SLC35F4: variants seen among roughly 807,000 people sequenced by gnomAD.
SLC35F4 encodes the protein chromosome 14 open reading frame 36.
A neutral mutation model predicts 44.2 loss-of-function variants in SLC35F4; 24 were observed. The ratio of observed to expected loss-of-function variants is 0.54; its 90% CI spans 0.39 to 0.76. SLC35F4 has a LOEUF of 0.76. Ranked by LOEUF, SLC35F4 falls within the 30% of genes least tolerant of loss-of-function variation. The pLI, the probability that SLC35F4 is intolerant of heterozygous loss-of-function variation, is 0.00. For synonymous variants in SLC35F4, 238 were observed against 223.6 expected, an observed-to-expected ratio of 1.06 and a Z score of -0.57; for missense variants, 562 against 586.1, an observed-to-expected ratio of 0.96 and a Z score of 0.42.
chr14:57,796,400 G>C (rs2078054824), intron 1 of SLC35F4, among the ~76,000 whole-genome samples: 2 of 152,078 alleles, frequency 1.3e-5, no homozygotes, highest in Admixed American at 1.3e-4. Flanking sequence ...GATTACCTCA[G>C]TTAAAGAACA....
chr14:57,896,228 G>A (rs1888866474), intron 1 of SLC35F4, among the ~76,000 whole-genome samples: 2 of 151,988 alleles, frequency 1.3e-5, no homozygotes, highest in Non-Finnish European at 2.9e-5. Context: ...AATTGTGGGT[G>A]GATAAATAAT....
intron 1 of SLC35F4, among the ~76,000 whole-genome samples, chr14:57,939,492 C>T (rs1889877196): frequency 6.6e-6 from 1 of 152,200 alleles, no homozygotes; most frequent in South Asian, 2.1e-4. Context: ...AAGGACATCA[C>T]CACTAAGGAC....
downstream of SLC35F4, among the ~76,000 whole-genome samples, chr14:57,975,157 CTATT>C (rs1245360242): frequency 2.6e-5 from 4 of 152,166 alleles, no homozygotes; most frequent in South Asian, 6.2e-4. Context: ...ATTGAGGTGA[CTATT>C]TGGTAACACT....
chr14:57,977,541 T>C (rs1389836970), intron 1 of SLC35F4, among the ~76,000 whole-genome samples: 1 of 152,136 alleles, frequency 6.6e-6, no homozygotes, highest in African/African-American at 2.4e-5. Flanking sequence ...GTCACCTGAG[T>C]GCAGCTGTAA....
chr14:57,734,136 T>C (rs141504184), intron 1 of SLC35F4, among the ~76,000 whole-genome samples: 2,032 of 152,238 alleles, frequency 0.013, 25 homozygotes, highest in South Asian at 0.059. Flanking sequence ...CCTGGGAACA[T>C]TGAGATATAG....
upstream of SLC35F4, among the ~76,000 whole-genome samples, chr14:57,870,132 G>A (rs2141026459): frequency 1.6e-5 from 2 of 127,622 alleles, no homozygotes; most frequent in South Asian, 4.6e-4. Context: ...ATCTGTGTGT[G>A]TGTGTGTGTG....
At chr14:57,765,423 A>G (rs1486667188) in intron 1 of SLC35F4, among the ~76,000 whole-genome samples, 1 of 152,252 alleles carries the variant, frequency 6.6e-6, no homozygotes, top group Non-Finnish European at 1.5e-5. Context: ...AAAGTTGGCC[A>G]CAAAGCCCAT....
intron 1 of SLC35F4, among the ~76,000 whole-genome samples, chr14:57,748,301 G>A (rs1186003779): frequency 6.6e-6 from 1 of 152,130 alleles, no homozygotes; most frequent in African/African-American, 2.4e-5. Context: ...TGGTGTGTAT[G>A]TATGTGTGTA....
At chr14:57,813,027 G>T (rs184519115) in intron 1 of SLC35F4, among the ~76,000 whole-genome samples, 91 of 152,298 alleles carry the variant, frequency 6.0e-4, no homozygotes, top group Non-Finnish European at 1.0e-3. Context: ...CAGAGCAATA[G>T]TATGATATGG....
At chr14:57,906,907 C>T (rs1468409103) in intron 1 of SLC35F4, among the ~76,000 whole-genome samples, 6 of 152,308 alleles carry the variant, frequency 3.9e-5, no homozygotes, top group African/African-American at 1.2e-4. Context: ...AAATGCTTCC[C>T]GGATACAACA....
chr14:57,835,077 G>A (rs1423840792), intron 1 of SLC35F4, among the ~76,000 whole-genome samples: 1 of 152,156 alleles, frequency 6.6e-6, no homozygotes, highest in Non-Finnish European at 1.5e-5. Context: ...AATGGTTGAA[G>A]TATTAACAGA....
At chr14:57,814,685 A>C (rs1882363253) in intron 1 of SLC35F4, among the ~76,000 whole-genome samples, 1 of 152,226 alleles carries the variant, frequency 6.6e-6, no homozygotes, top group Non-Finnish European at 1.5e-5. Context: ...TTACTCTTTA[A>C]GTAAATGGTT....
At chr14:57,945,032 T>A (rs1889997721) in intron 1 of SLC35F4, among the ~76,000 whole-genome samples, 1 of 152,118 alleles carries the variant, frequency 6.6e-6, no homozygotes, top group Non-Finnish European at 1.5e-5. Flanking sequence ...AATTATGTAA[T>A]CGTCCTCATT....
At chr14:57,899,037 G>A (rs1888944312) in intron 1 of SLC35F4, among the ~76,000 whole-genome samples, 1 of 152,190 alleles carries the variant, frequency 6.6e-6, no homozygotes, top group Admixed American at 6.5e-5. Context: ...CACTGAGTCT[G>A]TGGTGCCCGT....
chr14:57,932,177 G>A (rs1889710015), intron 1 of SLC35F4, among the ~76,000 whole-genome samples: 1 of 152,186 alleles, frequency 6.6e-6, no homozygotes, highest in African/African-American at 2.4e-5. Flanking sequence ...CTAGAGTTTA[G>A]TGAGGTTATT....
chr14:57,909,574 AC>A (rs1347048973), intron 1 of SLC35F4, among the ~76,000 whole-genome samples: 4 of 149,570 alleles, frequency 2.7e-5, no homozygotes, highest in Admixed American at 1.3e-4. Context: ...ACACACACAC[AC>A]AAACACACAG....
intron 1 of SLC35F4, among the ~76,000 whole-genome samples, chr14:57,939,223 G>T (rs1435453270): frequency 6.6e-6 from 1 of 152,146 alleles, no homozygotes; most frequent in Admixed American, 6.5e-5. Context: ...TGGCGTGGAA[G>T]GGATTCAGGG....
chr14:57,954,479 C>G (rs750406685), intron 1 of SLC35F4, among the ~76,000 whole-genome samples: 18 of 152,122 alleles, frequency 1.2e-4, no homozygotes, highest in Non-Finnish European at 2.2e-4. Context: ...ATCAATGAAT[C>G]CAGGAGCTGC....
chr14:57,925,435 G>A (rs1204060739), intron 1 of SLC35F4, among the ~76,000 whole-genome samples: 5 of 146,182 alleles, frequency 3.4e-5, no homozygotes, highest in Non-Finnish European at 6.0e-5. Context: ...CTCAAAGACC[G>A]AGATTAGGCA....
Sources: gnomAD v4.1 joint callset for allele counts (sites outside exome capture counted in the v4.1 genomes callset) on GRCh38, gnomAD v4.1.1 for gene constraint, MANE v1.5 for transcripts, NCBI Gene and HGNC (gene_info 2026-07-23, HGNC 2026-07-21) for gene names.